COL21A1: variants seen among roughly 807,000 people sequenced by gnomAD.
COL21A1 encodes the protein collagen type XXI alpha 1 chain.
In COL21A1, 149 loss-of-function variants were observed where a neutral mutation model predicts 137.9. The observed-to-expected ratio is 1.08, with a 90% CI of 0.95 to 1.24. The LOEUF (loss-of-function observed/expected upper bound fraction) is 1.24. COL21A1 is among the 50% of genes most tolerant of loss of function. COL21A1 has a pLI of 0.00. For synonymous variants in COL21A1, 456 were observed against 391.5 expected, an observed-to-expected ratio of 1.16 and a Z score of -1.95; for missense variants, 1,167 against 1,158.4, an observed-to-expected ratio of 1.01 and a Z score of -0.11.
At chr6:56,203,456 A>G (rs1178057474) in intron 1 of COL21A1, among the ~76,000 whole-genome samples, 2 of 152,226 alleles carry the variant, frequency 1.3e-5, no homozygotes, top group African/African-American at 4.8e-5. Context: ...CCTCAATTGC[A>G]GTTTCTAAAT....
chr6:56,077,391 C>T (rs756901395), intron 18 of COL21A1, 138 bp downstream of exon 18: 12 of 621,342 alleles, frequency 1.9e-5, no homozygotes, highest in Non-Finnish European at 2.5e-5. Context: ...ATTTGTAAAG[C>T]CAAAACAACG....
At chr6:56,226,894 A>T (rs1781236212) in intron 1 of COL21A1, among the ~76,000 whole-genome samples, 1 of 151,886 alleles carries the variant, frequency 6.6e-6, no homozygotes, top group Non-Finnish European at 1.5e-5. Context: ...CTTTCTTTGG[A>T]TTTTTTTTAA....
At chr6:56,135,626 A>G (rs1311241847) in intron 12 of COL21A1, among the ~76,000 whole-genome samples, 1 of 152,166 alleles carries the variant, frequency 6.6e-6, no homozygotes, top group Non-Finnish European at 1.5e-5. Context: ...AAACTCATGA[A>G]AAACTACTGA....
intron 1 of COL21A1, among the ~76,000 whole-genome samples, chr6:56,228,883 T>G (rs1781373459): frequency 6.6e-6 from 1 of 151,628 alleles, no homozygotes; most frequent in African/African-American, 2.4e-5. Flanking sequence ...GGCATAAAAT[T>G]CAAATGTTCC....
At chr6:56,164,726 A>C in intron 8 of COL21A1, 88 bp downstream of exon 8, 1 of 1,083,062 alleles carries the variant, frequency 9.2e-7, no homozygotes, top group Non-Finnish European at 1.3e-6. Flanking sequence ...CATTTGTCTA[A>C]TATACATACT....
At position 56,057,690 on chromosome 6, in the gene COL21A1, T is replaced by C. The variant is rs777638805; in HGVS notation, c.2841A>G (p.Arg947=). The change falls in exon 30 of 30, where the codon AGA becomes AGG. Residue 947 remains arginine (R), a synonymous_variant. Transcript: ENST00000244728. ...TTGGTCCTTTTCTGAACGGATCTCT[T>C]CTGGCAATTACACTAAAACATAGTG... is the stretch of plus-strand genomic sequence containing the variant. ...DPSLCFSVIA[R]RDPFRKGPNY The C allele has an allele frequency of 2.5e-6, 4 of 1,613,296 alleles. No individual in the cohort carries two copies. The South Asian group carries it at 4.4e-5, about 18-fold the overall frequency.
chr6:56,077,063 C>A (rs1767304860), intron 18 of COL21A1, among the ~76,000 whole-genome samples: 1 of 151,316 alleles, frequency 6.6e-6, no homozygotes, highest in South Asian at 2.1e-4. Flanking sequence ...GCCAAAAAAA[C>A]CATAGAAGAA....
chr6:56,246,040 C>T (rs1417056981), intron 1 of COL21A1, among the ~76,000 whole-genome samples: 1 of 151,962 alleles, frequency 6.6e-6, no homozygotes, highest in African/African-American at 2.4e-5. Context: ...TATTTTTGAA[C>T]TAATGGCTTA....
intron 1 of COL21A1, among the ~76,000 whole-genome samples, chr6:56,366,902 G>T (rs1216270308): frequency 1.3e-5 from 2 of 152,182 alleles, no homozygotes; most frequent in African/African-American, 4.8e-5. Context: ...AAGTATAACT[G>T]TACTTCTAAG....
intron 1 of COL21A1, among the ~76,000 whole-genome samples, chr6:56,288,660 G>A (rs1254336027): frequency 1.3e-5 from 2 of 152,116 alleles, no homozygotes; most frequent in African/African-American, 4.8e-5. Context: ...CTGTTTGGGG[G>A]TTCAGAGTAT....
chr6:56,132,454 G>C (rs1773635159), intron 12 of COL21A1, among the ~76,000 whole-genome samples: 4 of 152,128 alleles, frequency 2.6e-5, no homozygotes, highest in Admixed American at 2.6e-4. Context: ...CCAATATTAA[G>C]TCAGATCATG....
rs60307280 is a variant in COL21A1, at chr6:56,349,346, GA to G, written c.-39+44624del. ...CTAAACCATAAAGACCCGCCCCCCT[GA>G]AAAAAAAAAAAAATTTAACCACATA... is the stretch of plus-strand genomic sequence containing the variant. On this transcript the variant is annotated intron_variant, in intron 1 of 28. Coordinates refer to the COL21A1 transcript ENST00000370819. Among the ~76,000 whole-genome samples the G allele has an allele frequency of 4.0e-3, 591 of 146,834 alleles. 2 individuals are homozygous for G. The highest frequency in any genetic ancestry group is 0.01 in the African/African-American group (402 of 39,712).
intron 1 of COL21A1, among the ~76,000 whole-genome samples, chr6:56,383,655 AGC>A (rs2094012524): frequency 1.3e-5 from 2 of 152,230 alleles, no homozygotes; most frequent in Admixed American, 6.5e-5. Flanking sequence ...AGTGGGCAGA[AGC>A]ACCACCCAGA....
chr6:56,182,652 G>A lies in COL21A1; in HGVS notation c.-34C>T. 7.1e-7 allele frequency: 1 copy of A among 1,411,940 alleles called. No individual in the cohort carries two copies. Among genetic ancestry groups the A allele is most frequent in the Non-Finnish European group, 9.8e-7 (1 of 1,015,326 alleles). 87.5% of individuals were successfully genotyped at this position (1,411,940 alleles called of 1,614,324 possible). ...TTTCGTTCTAATATTTTGGTTTTAG[G>A]ATTCCTAGGGGGAAAAAAAAGGCAA... On this transcript the variant is annotated 5_prime_UTR_variant, in exon 2 of 30. Transcript: ENST00000244728.
At chr6:56,353,452 G>T (rs541777430) in intron 1 of COL21A1, among the ~76,000 whole-genome samples, 2 of 152,120 alleles carry the variant, frequency 1.3e-5, no homozygotes, top group African/African-American at 4.8e-5. Context: ...AGAAGCTTCT[G>T]TGAGGTCAGA....
At chr6:56,144,666 C>T (rs1473773331) in intron 10 of COL21A1, among the ~76,000 whole-genome samples, 2 of 152,262 alleles carry the variant, frequency 1.3e-5, no homozygotes, top group South Asian at 2.1e-4. Context: ...TTATAGAGGA[C>T]GCATTTCATT....
chr6:56,092,729 T>A (rs1276148472), intron 17 of COL21A1, among the ~76,000 whole-genome samples: 1 of 152,168 alleles, frequency 6.6e-6, no homozygotes, highest in Non-Finnish European at 1.5e-5. Context: ...GTTCATTACA[T>A]AAAATGATTA....
At chr6:56,378,440 C>T (rs905685684) in intron 1 of COL21A1, among the ~76,000 whole-genome samples, 4 of 152,138 alleles carry the variant, frequency 2.6e-5, no homozygotes, top group Non-Finnish European at 4.4e-5. Context: ...GGTAGTCTGG[C>T]AGTACTCCCT....
At chr6:56,157,071 G>C in intron 9 of COL21A1, 122 bp from the exon 10 acceptor site, 5 of 269,378 alleles carry the variant, frequency 1.9e-5, no homozygotes, top group South Asian at 1.5e-4. Flanking sequence ...AAAAACAAAA[G>C]TAAAAAAAAA....
Sources: allele counts gnomAD v4.1 joint callset (sites outside exome capture counted in the v4.1 genomes callset), GRCh38; gene constraint gnomAD v4.1.1; transcripts MANE v1.5; gene names NCBI Gene and HGNC (gene_info 2026-07-23, HGNC 2026-07-21).